Variants in RAF1 observed in about 807,000 individuals in gnomAD.
The protein encoded by RAF1 is RAF proto-oncogene serine/threonine-protein kinase.
Under a neutral mutation model 81.1 loss-of-function variants are expected in RAF1, and 27 were observed. That is an observed-to-expected ratio of 0.33 (90% CI 0.25 to 0.46). The LOEUF (loss-of-function observed/expected upper bound fraction) is 0.46, where lower values mean the gene tolerates loss of function less well. RAF1 is among the 20% of genes least tolerant of loss of function. The probability of loss-of-function intolerance (pLI) is 1.00; values close to 1 mark genes in which losing one functional copy is unlikely to be tolerated. For synonymous variants in RAF1, 298 were observed against 294.0 expected, an observed-to-expected ratio of 1.01 and a Z score of -0.14; for missense variants, 598 against 826.0, an observed-to-expected ratio of 0.72 and a Z score of 3.38.
At position 12,584,190 on chromosome 3, in the gene RAF1, G is replaced by A. The variant is rs2058239017; in HGVS notation, c.*324C>T. 2.3e-6 allele frequency: 1 copy of A among 438,082 alleles called. No homozygotes were observed. The allele number at this position is 438,082 out of a possible 1,614,324, so 27.1% of individuals were successfully genotyped here. On this transcript the variant is annotated 3_prime_UTR_variant, in exon 18 of 18. Coordinates refer to ENST00000442415, the MANE Select transcript of RAF1 (RefSeq NM_001354689.3). ...TACCTTACTTCCTCTAAATACTCAT[G>A]TAGCCAACAGCTGGGGCTGGGCCCC...
rs776579912 is a variant in RAF1 at position 12,606,219 on chromosome 3, A to G, written c.662T>C (p.Val221Ala). 1.2e-6 allele frequency: 2 copies of G among 1,613,840 alleles called. No homozygotes were observed. The highest frequency in any genetic ancestry group is 4.5e-5 in the East Asian group (2 of 44,878). Residue 221 changes from valine to alanine, a missense_variant, in exon 6 of 18, where the codon GTT becomes GCT. By Grantham distance (64) the Val-to-Ala change is moderately conservative (BLOSUM62 0). Around this residue, in one of 5 missense-constraint regions of RAF1, gnomAD observed 194 missense variants for 202.7 expected, o/e 0.96. Coordinates refer to ENST00000442415, the MANE Select transcript of RAF1 (RefSeq NM_001354689.3). ...AAATTACCTAACAGGCATCCTGGAA[A>G]CAGACTCTCGCATACGACGCATAGT... is the stretch of plus-strand genomic sequence containing the variant.
intron 13 of RAF1, chr3:12,588,223 A>C (rs1046891401): frequency 3.9e-5 from 6 of 152,298 alleles, no homozygotes; most frequent in Non-Finnish European, 7.3e-5. Flanking sequence ...ACTCAGACAC[A>C]GAAAGGAATG....
chr3:12,657,853 A>AC (rs1443893718), intron 1 of RAF1, among the ~76,000 whole-genome samples: 2 of 147,092 alleles, frequency 1.4e-5, no homozygotes, highest in Non-Finnish European at 3.0e-5. Flanking sequence ...CACTTTTATC[A>AC]CCCAAAAAAA....
chr3:12,584,833 G>T lies in RAF1; in HGVS notation c.1863+14C>A. 1 of 1,613,920 alleles carries T rather than the reference G, an allele frequency of 6.2e-7. No homozygotes were observed. The highest frequency in any genetic ancestry group is 8.5e-7 in the Non-Finnish European group (1 of 1,179,900). ...CCCATGCTTTAATCACATTCTAGCAGCCCTGAGCCTTACCTGGGGAAAAAG... is the reference window on the plus strand; with the variant it reads ...CCCATGCTTTAATCACATTCTAGCATCCCTGAGCCTTACCTGGGGAAAAAG... On this transcript the variant is annotated intron_variant, in intron 17 of 17. Transcript: ENST00000442415.
chr3:12,651,728 A>T (rs1310325619), intron 1 of RAF1, among the ~76,000 whole-genome samples: 1 of 149,674 alleles, frequency 6.7e-6, no homozygotes, highest in Non-Finnish European at 1.5e-5. Context: ...TAAAAATATG[A>T]GCTGGGCACG....
intron 11 of RAF1, among the ~76,000 whole-genome samples, chr3:12,596,045 G>C (rs1051642584): frequency 2.0e-5 from 3 of 151,422 alleles, no homozygotes; most frequent in Non-Finnish European, 4.4e-5. Context: ...TCAGCTAATT[G>C]TGTTTTAAGT....
Position 12,618,634 on chromosome 3 carries a change from G to A in RAF1, c.88C>T (p.Pro30Ser), listed in dbSNP as rs765857063. ...TAGCCAAACTGCTGAACTATTGTAGGAGAGATGCAGCTGGAGCCATCAAAC... is the reference window on the plus strand; with the variant it reads ...TAGCCAAACTGCTGAACTATTGTAGAAGAGATGCAGCTGGAGCCATCAAAC... Residue 30 changes from proline to serine, a missense_variant, in exon 2 of 18, where the codon CCT becomes TCT. Coordinates refer to ENST00000442415, the MANE Select transcript of RAF1 (RefSeq NM_001354689.3). 6 of 1,614,040 alleles carry A rather than the reference G, an allele frequency of 3.7e-6. No homozygotes were observed. The highest frequency in any genetic ancestry group is 5.1e-6 in the Non-Finnish European group (6 of 1,180,046).
intron 1 of RAF1, among the ~76,000 whole-genome samples, chr3:12,661,669 C>T (rs1346874963): frequency 3.9e-5 from 6 of 152,000 alleles, no homozygotes; most frequent in African/African-American, 7.2e-5. Context: ...CATCATTGCA[C>T]GCCAGCCTGG....
chr3:12,620,292 G>A (rs1222229848), intron 1 of RAF1, among the ~76,000 whole-genome samples: 1 of 151,850 alleles, frequency 6.6e-6, no homozygotes, highest in Non-Finnish European at 1.5e-5. Context: ...GCACCACCAC[G>A]CCCGACTGAT....
intron 1 of RAF1, among the ~76,000 whole-genome samples, chr3:12,632,265 A>G (rs1424188133): frequency 1.4e-5 from 2 of 147,624 alleles, no homozygotes; most frequent in Non-Finnish European, 3.0e-5. Context: ...CAGAGGTTGC[A>G]GTGAGCCGAG....
intron 1 of RAF1, among the ~76,000 whole-genome samples, chr3:12,642,806 T>A (rs2060234715): frequency 6.6e-6 from 1 of 150,428 alleles, no homozygotes; most frequent in Non-Finnish European, 1.5e-5. Flanking sequence ...AGAGGATGCC[T>A]TAACAGGGAG....
intron 1 of RAF1, among the ~76,000 whole-genome samples, chr3:12,654,789 A>G (rs11710163): frequency 0.065 from 8,104 of 125,476 alleles, 348 homozygotes; most frequent in Non-Finnish European, 0.094. Flanking sequence ...ACAACATTAT[A>G]CACAAGTTTA....
In RAF1 at chr3:12,618,755, GA is replaced by G. The variant is rs2059455905; in HGVS notation, c.-26-9del. 6.3e-7 allele frequency: 1 copy of G among 1,597,708 alleles called. No individual in the cohort carries two copies. The highest frequency in any genetic ancestry group is 8.6e-7 in the Non-Finnish European group (1 of 1,166,116). On this transcript the variant is annotated splice_polypyrimidine_tract_variant and intron_variant, in intron 1 of 17. Transcript: ENST00000442415. Reference sequence around the variant, plus strand: ...CTTAAACAATTCTTAAACCTGGTAAGAAACACAAATAATTGTAACTCTAGAA... The same window carrying G: ...CTTAAACAATTCTTAAACCTGGTAAGAACACAAATAATTGTAACTCTAGAA...
chr3:12,585,551 G>A, intron 15 of RAF1, 130 bp downstream of exon 14: 5 of 1,359,784 alleles, frequency 3.7e-6, no homozygotes, highest in Non-Finnish European at 5.1e-6. Context: ...ATTGCCCTGA[G>A]GCTGGCTGTC....
intron 3 of RAF1, among the ~76,000 whole-genome samples, chr3:12,609,756 C>T (rs1006585426): frequency 2.6e-5 from 4 of 152,186 alleles, no homozygotes; most frequent in Admixed American, 6.5e-5. Flanking sequence ...GCTGGGATTA[C>T]AGGTGTGAAC....
chr3:12,586,021 C>G, intron 14 of RAF1: 1 of 528,264 alleles, frequency 1.9e-6, no homozygotes, highest in Non-Finnish European at 3.4e-6. Flanking sequence ...TTATTTGGCC[C>G]TAGCCAAAAG....
At chr3:12,612,128 GA>G in intron 2 of RAF1, 66 bp from the exon 3 acceptor site, 1 of 1,230,864 alleles carries the variant, frequency 8.1e-7, no homozygotes, top group South Asian at 1.2e-5. Context: ...GGTGGGCACA[GA>G]AATAAATGCA....
At chr3:12,628,198 T>C (rs759815556) in intron 1 of RAF1, among the ~76,000 whole-genome samples, 9 of 152,252 alleles carry the variant, frequency 5.9e-5, no homozygotes, top group Non-Finnish European at 8.8e-5. Context: ...CGGTAGTTCA[T>C]GCCTGTAATC....
chr3:12,584,662 A>C lies in RAF1; in HGVS notation c.1864-5T>G. On this transcript the variant is annotated splice_polypyrimidine_tract_variant and splice_region_variant and intron_variant, in intron 17 of 17. Coordinates refer to ENST00000442415, the MANE Select transcript of RAF1 (RefSeq NM_001354689.3). The stretch of plus-strand genomic sequence containing the variant: ...CAGCTCAATGGAAGACAGGATCTGA[A>C]ACAAAGCCCAAGAATGCTCTCATTA... The C allele has an allele frequency of 6.2e-7, 1 of 1,614,114 alleles. No individual in the cohort carries two copies. Among genetic ancestry groups the C allele is most frequent in the Non-Finnish European group, 8.5e-7 (1 of 1,179,994 alleles).
Sources: allele counts gnomAD v4.1 joint callset (sites outside exome capture counted in the v4.1 genomes callset), GRCh38; gene constraint gnomAD v4.1.1; regional missense constraint gnomAD v4.1.1; transcripts MANE v1.5; gene names NCBI Gene and HGNC (gene_info 2026-07-23, HGNC 2026-07-21).